Variants in SLITRK6 observed in about 807,000 individuals in gnomAD.
SLITRK6 encodes the protein SLIT and NTRK-like protein 6.
In SLITRK6, 35 loss-of-function variants were observed where a neutral mutation model predicts 55.6. That is an observed-to-expected ratio of 0.63 (90% CI 0.48 to 0.83). The LOEUF (loss-of-function observed/expected upper bound fraction) is 0.83. SLITRK6 is among the 40% of genes least tolerant of loss of function. The pLI is 0.00. For missense variants in SLITRK6, 977 were observed against 986.4 expected (o/e 0.99, Z 0.13); for synonymous variants, 392 against 359.6 (o/e 1.09, Z -1.02).
rs187553032 is a variant in SLITRK6 at position 85,793,232 on chromosome 13, A to G, written c.*751T>C. ...CAAGAAGAAGAATTAAACTTTGAGC[A>G]TAAATGACATACTTTAGTTCACAGC... On this transcript the variant is annotated 3_prime_UTR_variant, in exon 2 of 2. Coordinates refer to ENST00000647374, the MANE Select transcript of SLITRK6 (RefSeq NM_032229.3). The G allele has an allele frequency of 1.6e-3, 245 of 152,008 alleles. No homozygotes were observed. The highest frequency in any genetic ancestry group is 5.7e-3 in the African/African-American group (237 of 41,546). 9.4% of individuals were successfully genotyped at this position (152,008 alleles called of 1,614,324 possible). A position where few individuals can be genotyped will look rare whatever the true frequency, so the allele number is the denominator to read the frequency against.
chr13:85,795,495 T>C lies in SLITRK6; in HGVS notation c.1014A>G (p.Leu338=), dbSNP rs370860791. 2 of 1,612,914 alleles carry C rather than the reference T, an allele frequency of 1.2e-6. No individual in the cohort carries two copies. The highest frequency in any genetic ancestry group is 1.3e-5 in the African/African-American group (1 of 74,834). Residue 338 remains leucine, a synonymous_variant, in exon 2 of 2, where the codon CTA becomes CTG. Coordinates refer to ENST00000647374, the MANE Select transcript of SLITRK6 (RefSeq NM_032229.3). ...AATGTATTAGAAGTCCTGATGGGGA[T>C]AGGACTTTGCAGTTACAAGGAATAG... The part of the protein sequence containing the change: ...YCPIPCNCKV[L]SPSGLLIHCQ...
Position 85,794,808 on chromosome 13 carries a change from T to C in SLITRK6, c.1701A>G (p.Pro567=), listed in dbSNP as rs1403812663. 2 of 1,613,164 alleles carry C rather than the reference T, an allele frequency of 1.2e-6. No homozygotes were observed. The highest frequency in any genetic ancestry group is 1.3e-5 in the African/African-American group (1 of 74,836). Residue 567 remains proline, a synonymous_variant, in exon 2 of 2, where the codon CCA becomes CCG. Transcript: ENST00000647374. The part of the protein sequence containing the change: ...LKALNSEILC[P]GLVNNPSMPT... ...GCATGGATGGGTTATTTACTAAACC[T>C]GGACAGAGAATTTCACTATTTAGGG...
In SLITRK6 at chr13:85,794,342, C is replaced by T; in HGVS notation, c.2167G>A (p.Glu723Lys). ...DAKHLQRSLL[E>K]QENHSPLTGS... ...GTGAGTGGTGAATGATTTTCCTGTT[C>T]CAAAAGACTTCTTTGGAGATGTTTT... The change falls in exon 2 of 2, where the codon GAA (glutamate) becomes AAA (lysine). Residue 723 changes from glutamate to lysine, a missense_variant. Glu to Lys is a moderately conservative substitution (Grantham distance 56). Transcript: ENST00000647374. 1 of 1,613,172 alleles carries T rather than the reference C, an allele frequency of 6.2e-7. No individual in the cohort carries two copies. The highest frequency in any genetic ancestry group is 8.5e-7 in the Non-Finnish European group (1 of 1,179,510).
Position 85,794,852 on chromosome 13 carries a change from C to T in SLITRK6, c.1657G>A (p.Asp553Asn), listed in dbSNP as rs755293525. 65 of 1,612,790 alleles carry T rather than the reference C, an allele frequency of 4.0e-5. No homozygotes were observed. The highest frequency in any genetic ancestry group is 5.3e-5 in the Non-Finnish European group (63 of 1,179,462). The part of the protein sequence containing the change: ...DILCTSPGHL[D>N]KKELKALNSE... ...TTTAGGGCTTTCAATTCCTTTTTGTCGAGATGCCCGGGGGAAGTGCAGAGG... is the reference window on the plus strand; with the variant it reads ...TTTAGGGCTTTCAATTCCTTTTTGTTGAGATGCCCGGGGGAAGTGCAGAGG... Residue 553 changes from aspartate to asparagine, a missense_variant, in exon 2 of 2, where the codon GAC becomes AAC. Coordinates refer to ENST00000647374, the MANE Select transcript of SLITRK6 (RefSeq NM_032229.3).
At position 85,795,231 on chromosome 13, in the gene SLITRK6, T is replaced by G. The variant is rs773445106; in HGVS notation, c.1278A>C (p.Leu426Phe). ...LYLNGNHLTK[L>F]SKGMFLGLHN... ...GGAGACCAAGGAACATGCCTTTACT[T>G]AATTTGGTCAGGTGGTTACCATTTA... The change falls in exon 2 of 2, where the codon TTA becomes TTC. Residue 426 changes from leucine to phenylalanine, a missense_variant. Transcript: ENST00000647374. 2 of 1,612,470 alleles carry G rather than the reference T, an allele frequency of 1.2e-6. No homozygotes were observed. The highest frequency in any genetic ancestry group is 3.3e-5 in the Admixed American group (2 of 59,730).
intron 1 of SLITRK6, among the ~76,000 whole-genome samples, chr13:85,796,837 AGAT>A (rs1874742644): frequency 6.6e-6 from 1 of 151,844 alleles, no homozygotes; most frequent in African/African-American, 2.4e-5. Context: ...GCATTTTAAC[AGAT>A]GAGAGAGATG....
Position 85,796,222 on chromosome 13 carries a change from C to T in SLITRK6, c.287G>A (p.Gly96Glu). ...GLTNAISIHL[G>E]FNNIADIEIG... ...CTCAATATCTGCAATATTGTTAAATCCAAGGTGTATTGAAATAGCATTGGT... is the reference window on the plus strand; with the variant it reads ...CTCAATATCTGCAATATTGTTAAATTCAAGGTGTATTGAAATAGCATTGGT... Residue 96 changes from glycine to glutamate, a missense_variant, in exon 2 of 2, where the codon GGA (glycine) becomes GAA (glutamate). Physicochemically the swap from Gly to Glu is moderately conservative, Grantham distance 98 (BLOSUM62 -2). Coordinates refer to ENST00000647374, the MANE Select transcript of SLITRK6 (RefSeq NM_032229.3). The T allele has an allele frequency of 6.2e-7, 1 of 1,613,046 alleles. No individual in the cohort carries two copies. Among genetic ancestry groups the T allele is most frequent in the Non-Finnish European group, 8.5e-7 (1 of 1,179,424 alleles).
intron 1 of SLITRK6, among the ~76,000 whole-genome samples, chr13:85,796,823 A>G (rs553444693): frequency 6.6e-6 from 1 of 151,768 alleles, no homozygotes; most frequent in Non-Finnish European, 1.5e-5. Context: ...CTGATGAATA[A>G]CCTGCATTTT....
At position 85,794,675 on chromosome 13, in the gene SLITRK6, A is replaced by G. The variant is rs1874646483; in HGVS notation, c.1834T>C (p.Leu612=). The G allele has an allele frequency of 1.2e-6, 2 of 1,613,320 alleles. No homozygotes were observed. Among genetic ancestry groups the G allele is most frequent in the Admixed American group, 1.7e-5 (1 of 59,850 alleles). Residue 612 remains leucine, a synonymous_variant, in exon 2 of 2, where the codon TTG becomes CTG. Coordinates refer to ENST00000647374, the MANE Select transcript of SLITRK6 (RefSeq NM_032229.3). The stretch of plus-strand genomic sequence containing the variant: ...GTGATGAACATAATCAGAAGTCCCA[A>G]TATTAGAACAGACAGTGGCACAGCG... ...TDAVPLSVLI[L]GLLIMFITIV...
chr13:85,795,610 G>T lies in SLITRK6; in HGVS notation c.899C>A (p.Thr300Asn), dbSNP rs747989207. 3 of 1,612,956 alleles carry T rather than the reference G, an allele frequency of 1.9e-6. No homozygotes were observed. Among genetic ancestry groups the T allele is most frequent in the Non-Finnish European group, 1.7e-6 (2 of 1,179,396 alleles). ...GGTGGGTAGTTTTAGAATGGACGTG[G>T]TCTTAGTTGACATGCGACTATCATT... ...SINDSRMSTK[T>N]TSILKLPTKA... Residue 300 changes from threonine (T) to asparagine (N), a missense_variant, in exon 2 of 2, where the codon ACC (threonine) becomes AAC (asparagine). Thr to Asn is a moderately conservative substitution (Grantham distance 65, BLOSUM62 0). Coordinates refer to ENST00000647374, the MANE Select transcript of SLITRK6 (RefSeq NM_032229.3).
Position 85,794,759 on chromosome 13 carries a change from C to T in SLITRK6, c.1750G>A (p.Val584Ile). 3.7e-6 allele frequency: 6 copies of T among 1,613,180 alleles called. No homozygotes were observed. Among genetic ancestry groups the T allele is most frequent in the African/African-American group, 1.3e-5 (1 of 74,948 alleles). ...SMPTQTSYLMVTTPATTTNTA... is the reference protein window; with the variant it reads ...SMPTQTSYLMITTPATTTNTA... ...TTTGTTGTTGTTGCAGGAGTGGTGACCATAAGGTAACTAGTCTGTGTTGGC... is the reference window on the plus strand; with the variant it reads ...TTTGTTGTTGTTGCAGGAGTGGTGATCATAAGGTAACTAGTCTGTGTTGGC... The change falls in exon 2 of 2, where the codon GTC becomes ATC. Residue 584 changes from valine to isoleucine, a missense_variant. Val to Ile is a conservative substitution (Grantham distance 29). Coordinates refer to ENST00000647374, the MANE Select transcript of SLITRK6 (RefSeq NM_032229.3).
Position 85,794,042 on chromosome 13 carries a change from G to A in SLITRK6, c.2467C>T (p.Leu823Phe), listed in dbSNP as rs982281369. Residue 823 changes from leucine (L) to phenylalanine (F), a missense_variant, in exon 2 of 2, where the codon CTT (leucine) becomes TTT (phenylalanine). By Grantham distance (22) the Leu-to-Phe change is conservative. Transcript: ENST00000647374. ...VEQTKNEYFELKANLHAEPDY... is the reference protein window; with the variant it reads ...VEQTKNEYFEFKANLHAEPDY... ...GGTTCAGCATGTAAATTAGCTTTAA[G>A]TTCAAAATACTCATTTTTTGTCTGT... The A allele has an allele frequency of 6.2e-7, 1 of 1,612,094 alleles. No homozygotes were observed. The highest frequency in any genetic ancestry group is 8.5e-7 in the Non-Finnish European group (1 of 1,179,042).
chr13:85,797,973 A>T (rs192388353), intron 1 of SLITRK6, among the ~76,000 whole-genome samples: 2 of 151,906 alleles, frequency 1.3e-5, no homozygotes, highest in Non-Finnish European at 2.9e-5. Flanking sequence ...TAAAATTCAC[A>T]ATCAGGTAAA....
At position 85,795,286 on chromosome 13, in the gene SLITRK6, A is replaced by T. The variant is rs769214034; in HGVS notation, c.1223T>A (p.Met408Lys). 2.2e-5 allele frequency: 35 copies of T among 1,612,716 alleles called. 1 individual carries two copies. The South Asian group carries it at 3.8e-4, about 18-fold the overall frequency. ...GAGTTTTTGTAATCTCGTTAGGTTC[A>T]TAAACGATCCTTCTTCAAGAACTTC... Reference protein sequence around the residue: ...RIEVLEEGSFMNLTRLQKLYL... With the variant: ...RIEVLEEGSFKNLTRLQKLYL... Residue 408 changes from methionine (M) to lysine (K), a missense_variant, in exon 2 of 2, where the codon ATG (methionine) becomes AAG (lysine). Coordinates refer to ENST00000647374, the MANE Select transcript of SLITRK6 (RefSeq NM_032229.3).
At position 85,794,448 on chromosome 13, in the gene SLITRK6, A is replaced by C; in HGVS notation, c.2061T>G (p.Val687=). ...LYEQHMVSPM[V]HVYRSPSFGP... ...CAAAGGATGGACTTCTATAGACATG[A>C]ACCATGGGGCTCACCATGTGCTGTT... The change falls in exon 2 of 2, where the codon GTT becomes GTG. Residue 687 remains valine, a synonymous_variant. Transcript: ENST00000647374. 1 of 1,613,394 alleles carries C rather than the reference A, an allele frequency of 6.2e-7. No individual in the cohort carries two copies. Among genetic ancestry groups the C allele is most frequent in the Non-Finnish European group, 8.5e-7 (1 of 1,179,554 alleles).
At position 85,795,795 on chromosome 13, in the gene SLITRK6, T is replaced by G. The variant is rs766684857; in HGVS notation, c.714A>C (p.Pro238=). ...AGACAACATCACCAATTATAGACTG[T>G]GGAGGCATGTTCTCCAACCAAGTTT... ...QLKTWLENMP[P]QSIIGDVVCN... The change falls in exon 2 of 2, where the codon CCA becomes CCC. Residue 238 remains proline (P), a synonymous_variant. Transcript: ENST00000647374. 4 of 1,612,988 alleles carry G rather than the reference T, an allele frequency of 2.5e-6. 1 individual carries two copies. The South Asian group carries it at 4.4e-5, about 18-fold the overall frequency.
Position 85,795,545 on chromosome 13 carries a change from T to C in SLITRK6, c.964A>G (p.Thr322Ala), listed in dbSNP as rs1345015146. 2 of 1,612,864 alleles carry C rather than the reference T, an allele frequency of 1.2e-6. No homozygotes were observed. Among genetic ancestry groups the C allele is most frequent in the Non-Finnish European group, 1.7e-6 (2 of 1,179,380 alleles). The change falls in exon 2 of 2, where the codon ACT (threonine) becomes GCT (alanine). Residue 322 changes from threonine to alanine, a missense_variant. Coordinates refer to ENST00000647374, the MANE Select transcript of SLITRK6 (RefSeq NM_032229.3). The stretch of plus-strand genomic sequence containing the variant: ...GGGCAGTAAGGTCCTGGAAGTTGAG[T>C]GGATGGCTTTGTAATATAAGGTATC... ...GLIPYITKPS[T>A]QLPGPYCPIP...
In SLITRK6 at chr13:85,795,523, C is replaced by T; in HGVS notation, c.986G>A (p.Cys329Tyr). ...KPSTQLPGPYCPIPCNCKVLS... is the reference protein window; with the variant it reads ...KPSTQLPGPYYPIPCNCKVLS... ...GACTTTGCAGTTACAAGGAATAGGGCAGTAAGGTCCTGGAAGTTGAGTGGA... is the reference window on the plus strand; with the variant it reads ...GACTTTGCAGTTACAAGGAATAGGGTAGTAAGGTCCTGGAAGTTGAGTGGA... The change falls in exon 2 of 2, where the codon TGC becomes TAC. Residue 329 changes from cysteine (C) to tyrosine (Y), a missense_variant. By Grantham distance (194) the Cys-to-Tyr change is radical. Transcript: ENST00000647374. The T allele has an allele frequency of 6.2e-7, 1 of 1,612,886 alleles. No individual in the cohort carries two copies. The highest frequency in any genetic ancestry group is 1.1e-5 in the South Asian group (1 of 91,056).
rs182697743 is a variant in SLITRK6 at position 85,793,318 on chromosome 13, T to G, written c.*665A>C. Reference sequence around the variant, plus strand: ...AGAAAACCCAAAAAGTATGCTTATTTCTTCCACCTGAACTATTAATCATTT... The same window carrying G: ...AGAAAACCCAAAAAGTATGCTTATTGCTTCCACCTGAACTATTAATCATTT... On this transcript the variant is annotated 3_prime_UTR_variant, in exon 2 of 2. Coordinates refer to ENST00000647374, the MANE Select transcript of SLITRK6 (RefSeq NM_032229.3). 7 of 152,326 alleles carry G rather than the reference T, an allele frequency of 4.6e-5. No homozygotes were observed. In the East Asian group the frequency reaches 1.2e-3, roughly 25 times the overall value. 9.4% of individuals were successfully genotyped at this position (152,326 alleles called of 1,614,324 possible).
Sources: gnomAD v4.1 joint callset for allele counts (sites outside exome capture counted in the v4.1 genomes callset) on GRCh38, gnomAD v4.1.1 for gene constraint, MANE v1.5 for transcripts, NCBI Gene and HGNC (gene_info 2026-07-23, HGNC 2026-07-21) for gene names.